The following SCAND3 variants were observed in gnomAD, a reference collection of about 807,000 sequenced individuals.
SCAND3 encodes the protein SCAN domain containing 3, also known as SCAN domain-containing protein 3.
chr6:28,613,077 C>G, the SCAND3 span, among the ~76,000 whole-genome samples: 1 of 152,070 alleles, frequency 6.6e-6, no homozygotes, highest in Non-Finnish European at 1.5e-5. Context: ...TATATAGAGA[C>G]TGTATATTAT....
At chr6:28,586,471 G>C in the SCAND3 span, 1 of 1,614,210 alleles carries the variant, frequency 6.2e-7, no homozygotes, top group South Asian at 1.1e-5. This position sits in a 1 kb window ranked among gnomAD's most constrained non-coding sequence, Gnocchi z 4.4. Context: ...TGTATCTCTG[G>C]GTTCAGCCAC....
chr6:28,610,350 C>T, the SCAND3 span, among the ~76,000 whole-genome samples: 1 of 151,962 alleles, frequency 6.6e-6, no homozygotes, highest in Non-Finnish European at 1.5e-5. Flanking sequence ...GATGAAACTC[C>T]GTCTCTACTA....
chr6:28,586,303 G>T, the SCAND3 span: 3 of 1,601,254 alleles, frequency 1.9e-6, no homozygotes, highest in Non-Finnish European at 2.6e-6. The surrounding 1 kb of genome is among the most constrained non-coding windows in gnomAD (Gnocchi z 4.4). Context: ...CTCACCTGCT[G>T]TCTAGGTTCA....
the SCAND3 span, chr6:28,575,983 G>A: frequency 1.2e-6 from 2 of 1,613,480 alleles, no homozygotes; most frequent in East Asian, 2.2e-5. The surrounding 1 kb of genome is among the most constrained non-coding windows in gnomAD (Gnocchi z 4.2). Context: ...AAATATCTTA[G>A]TATTATTACT....
At chr6:28,578,174 A>G in the SCAND3 span, among the ~76,000 whole-genome samples, 2 of 152,148 alleles carry the variant, frequency 1.3e-5, no homozygotes, top group East Asian at 3.8e-4. Context: ...AAATGTTTAT[A>G]TTTTCTAAAA....
chr6:28,607,122 C>T, the SCAND3 span, among the ~76,000 whole-genome samples: 3 of 152,168 alleles, frequency 2.0e-5, no homozygotes, highest in Admixed American at 6.6e-5. Flanking sequence ...GATTATAAAT[C>T]ATGAAAGAAA....
chr6:28,615,471 G>A, the SCAND3 span, among the ~76,000 whole-genome samples: 1 of 151,922 alleles, frequency 6.6e-6, no homozygotes, highest in African/African-American at 2.4e-5. Flanking sequence ...AAATTAGTAG[G>A]GCATGGTGGT....
chr6:28,580,586 G>A, the SCAND3 span, among the ~76,000 whole-genome samples: 2 of 152,034 alleles, frequency 1.3e-5, no homozygotes, highest in Non-Finnish European at 2.9e-5. Context: ...AAATTGCTTT[G>A]TATAATATAA....
chr6:28,596,480 G>A, the SCAND3 span, among the ~76,000 whole-genome samples: 16 of 152,148 alleles, frequency 1.1e-4, no homozygotes, highest in East Asian at 2.5e-3. Context: ...ATTAACAACA[G>A]TGGTTATCAG....
At chr6:28,600,068 T>C in the SCAND3 span, among the ~76,000 whole-genome samples, 3 of 152,262 alleles carry the variant, frequency 2.0e-5, no homozygotes, top group South Asian at 4.1e-4. Context: ...CTAGGTAGCG[T>C]TGGCTTTGGC....
chr6:28,611,034 T>A, the SCAND3 span, among the ~76,000 whole-genome samples: 1 of 152,208 alleles, frequency 6.6e-6, no homozygotes, highest in South Asian at 2.1e-4. Flanking sequence ...AGCAAGAAGA[T>A]ATGTTTCCTT....
At chr6:28,596,328 G>A in the SCAND3 span, among the ~76,000 whole-genome samples, 2 of 152,048 alleles carry the variant, frequency 1.3e-5, no homozygotes, top group African/African-American at 4.8e-5. Context: ...AAGCTCTCCA[G>A]GATATATTGG....
At chr6:28,588,477 A>AAAAAAGTCAAATATTT in the SCAND3 span, among the ~76,000 whole-genome samples, 1 of 152,226 alleles carries the variant, frequency 6.6e-6, no homozygotes, top group Admixed American at 6.5e-5. This position sits in a 1 kb window ranked among gnomAD's most constrained non-coding sequence, Gnocchi z 4.1. Flanking sequence ...GACACTTATA[A>AAAAAAGTCAAATATTT]AAAAAGTCAA....
chr6:28,596,003 G>A, the SCAND3 span, among the ~76,000 whole-genome samples: 1 of 152,172 alleles, frequency 6.6e-6, no homozygotes, highest in Non-Finnish European at 1.5e-5. Context: ...GTCATTACTG[G>A]TTAAGAGTGT....
chr6:28,582,955 A>C, the SCAND3 span, among the ~76,000 whole-genome samples: 1 of 152,064 alleles, frequency 6.6e-6, no homozygotes, highest in Non-Finnish European at 1.5e-5. The surrounding 1 kb of genome is among the most constrained non-coding windows in gnomAD (Gnocchi z 4.8). Flanking sequence ...AAAATAAAAA[A>C]CACTATAAAA....
At chr6:28,589,353 T>C in the SCAND3 span, 3 of 152,156 alleles carry the variant, frequency 2.0e-5, no homozygotes, top group Admixed American at 6.5e-5. Context: ...ACCACGACTA[T>C]ACTTACCTAC....
the SCAND3 span, chr6:28,573,574 T>G: frequency 1.9e-6 from 3 of 1,613,150 alleles, no homozygotes; most frequent in Non-Finnish European, 2.5e-6. Context: ...TTTTGATGGT[T>G]TCATTGCTTC....
At chr6:28,612,773 A>T in the SCAND3 span, among the ~76,000 whole-genome samples, 1 of 152,224 alleles carries the variant, frequency 6.6e-6, no homozygotes, top group Non-Finnish European at 1.5e-5. Context: ...CACACATGTA[A>T]CAGTGGTTAT....
the SCAND3 span, among the ~76,000 whole-genome samples, chr6:28,603,032 G>A: frequency 2.2e-5 from 3 of 138,782 alleles, no homozygotes; most frequent in Non-Finnish European, 3.0e-5. Flanking sequence ...GCGCGATCTC[G>A]GCTCACTGCA....
Sources: allele counts gnomAD v4.1 joint callset (sites outside exome capture counted in the v4.1 genomes callset), GRCh38; gene constraint gnomAD v4.1.1; non-coding constraint Gnocchi (gnomAD v3.1); transcripts MANE v1.5; gene names NCBI Gene and HGNC (gene_info 2026-07-23, HGNC 2026-07-21).